The following GRM5 variants were observed in gnomAD, a reference collection of about 807,000 sequenced individuals.
The protein encoded by GRM5 is glutamate metabotropic receptor 5.
Under a neutral mutation model 83.1 loss-of-function variants are expected in GRM5, and 19 were observed. That is an observed-to-expected ratio of 0.23 (90% confidence interval 0.16 to 0.34). GRM5 has a LOEUF of 0.34. Among genes scored for constraint, GRM5 ranks in the 10% least tolerant of loss-of-function variants. The pLI, the probability that GRM5 is intolerant of heterozygous loss-of-function variation, is 1.00. For synonymous variants in GRM5, 675 were observed against 633.6 expected (o/e 1.07, Z -0.98); for missense variants, 1,160 against 1,588.3 (o/e 0.73, Z 4.58).
At chr11:89,027,142 C>G (rs1021469582) in intron 2 of GRM5, among the ~76,000 whole-genome samples, 2 of 151,778 alleles carry the variant, frequency 1.3e-5, no homozygotes, top group Non-Finnish European at 1.5e-5. Flanking sequence ...TGTTGCCAGG[C>G]TGGAGTGCAG....
At chr11:88,619,507 A>AAAGAT (rs1938576085) in intron 4 of GRM5, among the ~76,000 whole-genome samples, 2 of 152,224 alleles carry the variant, frequency 1.3e-5, no homozygotes. Flanking sequence ...AACTAATTTT[A>AAAGAT]AAGATAAGGA....
At chr11:88,934,026 CT>C (rs1163862469) in intron 2 of GRM5, among the ~76,000 whole-genome samples, 1 of 151,532 alleles carries the variant, frequency 6.6e-6, no homozygotes, top group Non-Finnish European at 1.5e-5. Flanking sequence ...TGATAATTTT[CT>C]TTCTTTGTAA....
intron 2 of GRM5, among the ~76,000 whole-genome samples, chr11:88,878,840 G>A (rs1432505235): frequency 6.6e-6 from 1 of 152,040 alleles, no homozygotes; most frequent in Non-Finnish European, 1.5e-5. Flanking sequence ...AGACTCAAAA[G>A]GTTTCATACT....
At chr11:88,998,546 C>T (rs1291153240) in intron 2 of GRM5, among the ~76,000 whole-genome samples, 2 of 152,062 alleles carry the variant, frequency 1.3e-5, no homozygotes, top group Non-Finnish European at 2.9e-5. Flanking sequence ...ACCAATCTTC[C>T]CATTATTCAA....
chr11:88,776,856 C>T (rs1942863830), intron 3 of GRM5, among the ~76,000 whole-genome samples: 1 of 152,220 alleles, frequency 6.6e-6, no homozygotes, highest in Non-Finnish European at 1.5e-5. Flanking sequence ...ACCTTTCTCT[C>T]TGTCTGCCCT....
intron 1 of GRM5, among the ~76,000 whole-genome samples, chr11:89,055,582 T>G (rs1398580758): frequency 6.6e-6 from 1 of 152,088 alleles, no homozygotes; most frequent in African/African-American, 2.4e-5. Flanking sequence ...GACCTGGGAC[T>G]TGAATTCAAC....
intron 7 of GRM5, among the ~76,000 whole-genome samples, chr11:88,580,306 G>A (rs1053486841): frequency 6.6e-6 from 1 of 152,174 alleles, no homozygotes; most frequent in Non-Finnish European, 1.5e-5. Flanking sequence ...TGTTTATTGT[G>A]TAGATGATAT....
At chr11:88,918,068 T>C (rs1338349547) in intron 2 of GRM5, among the ~76,000 whole-genome samples, 1 of 150,732 alleles carries the variant, frequency 6.6e-6, no homozygotes, top group East Asian at 2.0e-4. Flanking sequence ...AAAGAAAGGA[T>C]CATAAAGGCA....
chr11:88,928,292 C>A (rs1395452000), intron 2 of GRM5, among the ~76,000 whole-genome samples: 1 of 151,918 alleles, frequency 6.6e-6, no homozygotes, highest in Non-Finnish European at 1.5e-5. Flanking sequence ...TTTCTCTGGG[C>A]CCCAGTTACT....
intron 2 of GRM5, among the ~76,000 whole-genome samples, chr11:88,938,239 G>A (rs1486493717): frequency 6.6e-6 from 1 of 151,700 alleles, no homozygotes; most frequent in Non-Finnish European, 1.5e-5. Flanking sequence ...AATGAGAAGT[G>A]TGCTGGATAA....
At chr11:88,527,161 C>A (rs2135111002) in intron 8 of GRM5, among the ~76,000 whole-genome samples, 1 of 152,234 alleles carries the variant, frequency 6.6e-6, no homozygotes, top group Middle Eastern at 3.4e-3. Context: ...ATTGCTCAAG[C>A]AAAATACTGC....
chr11:88,988,473 A>G (rs1288086306), intron 2 of GRM5, among the ~76,000 whole-genome samples: 1 of 152,204 alleles, frequency 6.6e-6, no homozygotes, highest in Non-Finnish European at 1.5e-5. Flanking sequence ...CAATCTAACA[A>G]GGCAGGCCAA....
chr11:88,598,215 T>C (rs150579658), intron 5 of GRM5, among the ~76,000 whole-genome samples: 141 of 152,230 alleles, frequency 9.3e-4, no homozygotes, highest in Admixed American at 3.5e-3. Context: ...CAGATAGACA[T>C]ATAAATGCCT....
intron 8 of GRM5, among the ~76,000 whole-genome samples, chr11:88,561,797 C>T (rs547157532): frequency 8.5e-5 from 13 of 152,202 alleles, no homozygotes; most frequent in East Asian, 1.9e-4. Context: ...AAAAATCTCC[C>T]TTTGCTATTT....
intron 3 of GRM5, among the ~76,000 whole-genome samples, chr11:88,662,516 C>T (rs1939934513): frequency 6.6e-6 from 1 of 152,054 alleles, no homozygotes; most frequent in Admixed American, 6.6e-5. Flanking sequence ...TTCAATCAAA[C>T]ACTCATCTAG....
At chr11:88,582,052 C>G (rs1943221551) in intron 7 of GRM5, among the ~76,000 whole-genome samples, 1 of 152,136 alleles carries the variant, frequency 6.6e-6, no homozygotes, top group Non-Finnish European at 1.5e-5. Flanking sequence ...TCATTCATTT[C>G]TTCATTTCCT....
intron 3 of GRM5, among the ~76,000 whole-genome samples, chr11:88,832,344 G>C (rs889049406): frequency 6.6e-6 from 1 of 151,918 alleles, no homozygotes; most frequent in Admixed American, 6.6e-5. Flanking sequence ...TGGCTGAGGA[G>C]AAAATAAAGA....
chr11:88,920,413 CAAAAAAAAAAAAAAACCA>C (rs1945669849), intron 2 of GRM5, among the ~76,000 whole-genome samples: 2 of 41,076 alleles, frequency 4.9e-5, no homozygotes, highest in African/African-American at 1.8e-4. Context: ...TTCTCCCAGC[CAAAAAAAAAAAAAAACCA>C]AAAAAAAAAA....
At chr11:88,827,319 C>T (rs1943909817) in intron 3 of GRM5, among the ~76,000 whole-genome samples, 1 of 152,186 alleles carries the variant, frequency 6.6e-6, no homozygotes, top group Non-Finnish European at 1.5e-5. Context: ...TCTTCCAGCA[C>T]ACTTCATCTT....
Sources: allele counts gnomAD v4.1 joint callset (sites outside exome capture counted in the v4.1 genomes callset), GRCh38; gene constraint gnomAD v4.1.1; transcripts MANE v1.5; gene names NCBI Gene and HGNC (gene_info 2026-07-23, HGNC 2026-07-21).